Variants in PATJ observed in about 807,000 individuals in gnomAD.
PATJ encodes PATJ crumbs cell polarity complex component, also known as inaD-like protein.
A neutral mutation model predicts 224.9 loss-of-function variants in PATJ; 190 were observed. The ratio of observed to expected loss-of-function variants is 0.84; its 90% confidence interval spans 0.75 to 0.95. The LOEUF (loss-of-function observed/expected upper bound fraction) is 0.95. PATJ is among the 40% of genes least tolerant of loss of function. PATJ has a pLI of 0.00. For missense variants in PATJ, 2,121 were observed against 2,270.3 expected (o/e 0.93, Z 1.34); for synonymous variants, 769 against 820.3 (o/e 0.94, Z 1.07).
At chr1:62,141,987 TAAAC>T (rs1053615469) in intron 41 of PATJ, among the ~76,000 whole-genome samples, 2 of 152,048 alleles carry the variant, frequency 1.3e-5, no homozygotes, top group African/African-American at 4.8e-5. Flanking sequence ...AATAATTAAA[TAAAC>T]AAATAAATAA....
At chr1:61,882,515 G>A (rs950198128) in intron 21 of PATJ, among the ~76,000 whole-genome samples, 6 of 152,080 alleles carry the variant, frequency 3.9e-5, no homozygotes, top group African/African-American at 9.7e-5. Flanking sequence ...TGTATGAAAC[G>A]CTACCTGTCT....
At chr1:61,833,326 T>A (rs1230012871) in intron 16 of PATJ, 1 of 163,606 alleles carries the variant, frequency 6.1e-6, no homozygotes, top group African/African-American at 2.4e-5. Flanking sequence ...AAATTGCATA[T>A]TTTTCCTTTT....
intron 20 of PATJ, among the ~76,000 whole-genome samples, chr1:61,868,945 A>C (rs1665828570): frequency 6.6e-6 from 1 of 152,192 alleles, no homozygotes; most frequent in East Asian, 1.9e-4. Flanking sequence ...CATGAACGCA[A>C]CAAAAGAAGC....
chr1:62,037,679 A>G lies in PATJ; in HGVS notation c.3960-298A>G, dbSNP rs139121236. On this transcript the variant is annotated intron_variant, in intron 29 of 43. Transcript: ENST00000642238. ...GTGCTGAAAGAGCCAAAGCCTTTCC[A>G]AACTTATCCTCTGCAGCACCTGACT... Among the ~76,000 whole-genome samples the G allele has an allele frequency of 3.7e-3, 563 of 152,318 alleles. 5 individuals carry two copies. The highest frequency in any genetic ancestry group is 0.012 in the African/African-American group (506 of 41,562).
At chr1:62,121,536 C>T (rs138226864) in intron 38 of PATJ, among the ~76,000 whole-genome samples, 3 of 151,896 alleles carry the variant, frequency 2.0e-5, no homozygotes, top group African/African-American at 7.2e-5. Flanking sequence ...ACGGCTGTGG[C>T]GGGCGGATCA....
In PATJ at chr1:62,157,642, C is replaced by T. The variant is rs547368624; in HGVS notation, c.5503-3266C>T. On this transcript the variant is annotated intron_variant, in intron 43 of 43. Coordinates refer to ENST00000642238, the MANE Select transcript of PATJ (RefSeq NM_001350145.3). ...GGTCAGGAGTTAAAGACCAGCCTGG[C>T]CAACATGGCAAAACCCCATCTCTAC... is the stretch of plus-strand genomic sequence containing the variant. Among the ~76,000 whole-genome samples the T allele has an allele frequency of 8.1e-5, 12 of 148,136 alleles. 1 individual carries two copies. In the South Asian group the frequency reaches 2.1e-3, roughly 25 times the overall value.
chr1:62,088,079 C>T (rs911449224), intron 33 of PATJ, among the ~76,000 whole-genome samples: 4 of 151,832 alleles, frequency 2.6e-5, no homozygotes, highest in Non-Finnish European at 4.4e-5. Flanking sequence ...TTAGTAGAGA[C>T]GGGGTTTCTC....
intron 26 of PATJ, among the ~76,000 whole-genome samples, chr1:61,922,388 C>T (rs1472554854): frequency 2.0e-5 from 3 of 152,042 alleles, no homozygotes; most frequent in Non-Finnish European, 4.4e-5. Context: ...ACATGGAAAC[C>T]CACAAAATGT....
At chr1:61,903,672 G>A (rs2482851) in intron 24 of PATJ, among the ~76,000 whole-genome samples, 114,754 of 151,886 alleles carry the variant, frequency 0.76, 43,580 homozygotes, top group East Asian at 1. Context: ...GACATTATGT[G>A]GTTTTCTTCT....
intron 39 of PATJ, among the ~76,000 whole-genome samples, chr1:62,124,772 C>T (rs545655558): frequency 5.3e-5 from 8 of 152,270 alleles, no homozygotes; most frequent in Admixed American, 2.0e-4. Context: ...TGGTGTCTCT[C>T]CTATGTCCTA....
chr1:61,898,097 A>G (rs1201657868), intron 22 of PATJ, among the ~76,000 whole-genome samples: 4 of 152,174 alleles, frequency 2.6e-5, no homozygotes, highest in Admixed American at 2.6e-4. Flanking sequence ...AAGTTCAGAG[A>G]AAAATGGGAG....
Position 61,842,109 on chromosome 1 carries a change from T to C in PATJ, c.2112+8324T>C, listed in dbSNP as rs146051606. On this transcript the variant is annotated intron_variant, in intron 17 of 43. Coordinates refer to ENST00000642238, the MANE Select transcript of PATJ (RefSeq NM_001350145.3). ...CACTCCTGGTGTGTGCAGTTTGTAG[T>C]GTGCTCAGGATGACGACTGACTTCC... 3.8e-3 allele frequency among the ~76,000 whole-genome samples: 573 copies of C among 152,248 alleles called. 4 individuals carry two copies. The highest frequency in any genetic ancestry group is 0.013 in the African/African-American group (549 of 41,536).
At chr1:62,134,807 C>CA (rs1336589088) in intron 41 of PATJ, among the ~76,000 whole-genome samples, 1 of 152,164 alleles carries the variant, frequency 6.6e-6, no homozygotes, top group African/African-American at 2.4e-5. Context: ...GATACCTCCT[C>CA]AGTGCTGCCC....
At chr1:61,778,580 A>G (rs1348305748) in intron 7 of PATJ, among the ~76,000 whole-genome samples, 13 of 152,190 alleles carry the variant, frequency 8.5e-5, no homozygotes, top group South Asian at 2.1e-4. Context: ...TATTCTTCAT[A>G]TACATCATCC....
At chr1:61,833,275 A>T (rs1413776094) in intron 16 of PATJ, 2 of 153,434 alleles carry the variant, frequency 1.3e-5, no homozygotes, top group African/African-American at 4.8e-5. Flanking sequence ...CTACTTACGT[A>T]TCTTATAAGC....
intron 7 of PATJ, among the ~76,000 whole-genome samples, chr1:61,786,771 C>A (rs1648628025): frequency 6.6e-6 from 1 of 152,042 alleles, no homozygotes; most frequent in Admixed American, 6.6e-5. Flanking sequence ...GCGGGTGGAT[C>A]AAGAGGTCAG....
At chr1:61,930,966 G>C (rs533450982) in intron 27 of PATJ, among the ~76,000 whole-genome samples, 4 of 152,288 alleles carry the variant, frequency 2.6e-5, no homozygotes, top group African/African-American at 9.6e-5. Flanking sequence ...ACCTCCCAAA[G>C]TGCTGGGATT....
At chr1:61,952,135 G>A in intron 27 of PATJ, 1 of 445,530 alleles carries the variant, frequency 2.2e-6, no homozygotes, top group Non-Finnish European at 4.0e-6. Flanking sequence ...TTTCCAGGCA[G>A]CTTTCACCTG....
chr1:61,837,849 A>G (rs1018213759), intron 17 of PATJ, among the ~76,000 whole-genome samples: 5 of 151,486 alleles, frequency 3.3e-5, no homozygotes, highest in African/African-American at 1.2e-4. Flanking sequence ...GAATTAGTCT[A>G]TAGAACAATA....
Sources: allele counts gnomAD v4.1 joint callset (sites outside exome capture counted in the v4.1 genomes callset), GRCh38; gene constraint gnomAD v4.1.1; transcripts MANE v1.5; gene names NCBI Gene and HGNC (gene_info 2026-07-23, HGNC 2026-07-21).